The following RPL4 variants were observed in gnomAD, a reference collection of about 807,000 sequenced individuals.
RPL4 encodes the protein ribosomal protein L4.
A neutral mutation model predicts 47.7 loss-of-function variants in RPL4; 3 were observed. The observed-to-expected ratio is 0.06, with a 90% CI of 0.03 to 0.16. The LOEUF is 0.16. RPL4 is among the 10% of genes least tolerant of loss of function. The pLI, the probability that RPL4 is intolerant of heterozygous loss-of-function variation, is 1.00. For missense variants in RPL4, 413 were observed against 551.3 expected, an observed-to-expected ratio of 0.75 and a Z score of 2.51; for synonymous variants, 208 against 182.1, an observed-to-expected ratio of 1.14 and a Z score of -1.15.
chr15:66,503,444 G>C lies in RPL4; in HGVS notation c.89C>G (p.Ala30Gly), dbSNP rs777311628. The C allele has an allele frequency of 1.4e-5, 22 of 1,612,764 alleles. No homozygotes were observed. The highest frequency in any genetic ancestry group is 1.9e-5 in the Non-Finnish European group (22 of 1,179,056). The change falls in exon 2 of 10, where the codon GCT becomes GGT. Residue 30 changes from alanine to glycine, a missense_variant. Transcript: ENST00000307961. The stretch of plus-strand genomic sequence containing the variant: ...GTTCACAATATCTGGTCGAATAGGA[G>C]CCTTGAATACAGCAGGCAAAGTGAC... The part of the protein sequence containing the change: ...KNVTLPAVFK[A>G]PIRPDIVNFV...
chr15:66,499,904 T>C, intron 9 of RPL4, 152 bp downstream of exon 9: 1 of 1,027,616 alleles, frequency 9.7e-7, no homozygotes, highest in Non-Finnish European at 1.4e-6. Flanking sequence ...GCGCCTGTAG[T>C]GCCAGCTACT....
chr15:66,502,964 A>G (rs1893653365), intron 3 of RPL4, 94 bp downstream of exon 3: 1 of 1,367,560 alleles, frequency 7.3e-7, no homozygotes, highest in Non-Finnish European at 1.0e-6. Context: ...AAAAAAAAGT[A>G]ATATTTTTAC....
Position 66,500,725 on chromosome 15 carries a change from T to A in RPL4, c.833+224A>T, listed in dbSNP as rs1485403524. The A allele has an allele frequency of 1.4e-5, 8 of 585,436 alleles. No individual in the cohort carries two copies. The East Asian group carries it at 2.4e-4, about 18-fold the overall frequency. 36.3% of individuals were successfully genotyped at this position (585,436 alleles called of 1,614,324 possible). ...TGAACCCGGGAGGCGGAGGCTGCAG[T>A]AAGCCACGATCACACCACTACACTC... On this transcript the variant is annotated intron_variant, in intron 7 of 9. Coordinates refer to ENST00000307961, the MANE Select transcript of RPL4 (RefSeq NM_000968.4).
In RPL4 at chr15:66,500,075, A is replaced by G; in HGVS notation, c.1019T>C (p.Ile340Thr). 2.5e-6 allele frequency: 4 copies of G among 1,611,930 alleles called. No homozygotes were observed. The highest frequency in any genetic ancestry group is 3.4e-6 in the Non-Finnish European group (4 of 1,179,818). ...ACTCACATTCCTGGCCTGGCGAAGA[A>G]TGGTGTTCCGGCGCATGGTCTTTGC... Reference protein sequence around the residue: ...PYAKTMRRNTILRQARNHKLR... With the variant: ...PYAKTMRRNTTLRQARNHKLR... Residue 340 changes from isoleucine (I) to threonine (T), a missense_variant, in exon 9 of 10, where the codon ATT (isoleucine) becomes ACT (threonine). By Grantham distance (89) the Ile-to-Thr change is moderately conservative. This residue lies in a region of RPL4 where 134 missense variants were observed against 122.7 expected (regional missense o/e 1.09). Transcript: ENST00000307961.
chr15:66,499,725 CAA>C, intron 9 of RPL4, 73 bp from the exon 10 acceptor site: 1 of 1,591,130 alleles, frequency 6.3e-7, no homozygotes, highest in Non-Finnish European at 8.5e-7. Flanking sequence ...AAGAGAAAAA[CAA>C]AAACAAAACA....
intron 4 of RPL4, 72 bp from the exon 5 acceptor site, chr15:66,501,984 A>T: frequency 6.4e-7 from 1 of 1,570,920 alleles, no homozygotes; most frequent in Non-Finnish European, 8.6e-7. Context: ...CAAACATTTT[A>T]TACAACCAAT....
rs180850853 is a variant in RPL4 at position 66,504,019 on chromosome 15, T to C, written c.4-490A>G. Among the ~76,000 whole-genome samples, 29 of 152,172 alleles carry C rather than the reference T, an allele frequency of 1.9e-4. 1 individual carries two copies. In the East Asian group the frequency reaches 5.6e-3, roughly 29 times the overall value. On this transcript the variant is annotated intron_variant, in intron 1 of 9. Coordinates refer to ENST00000307961, the MANE Select transcript of RPL4 (RefSeq NM_000968.4). ...AAAATCCTGAGGCTGACCTACACCATCTTCTCTACTTCTGATCTCAACTCC... is the reference window on the plus strand; with the variant it reads ...AAAATCCTGAGGCTGACCTACACCACCTTCTCTACTTCTGATCTCAACTCC...
At position 66,499,189 on chromosome 15, in the gene RPL4, C is replaced by T. The variant is rs1308475716; in HGVS notation, c.*218G>A. ...TAAATCATTCCCCTTCCACTGAACT[C>T]CATGGACTTAGTATAAATCCATGCC... is the stretch of plus-strand genomic sequence containing the variant. On this transcript the variant is annotated 3_prime_UTR_variant, in exon 10 of 10. Coordinates refer to ENST00000307961, the MANE Select transcript of RPL4 (RefSeq NM_000968.4). The T allele has an allele frequency of 1.9e-6, 1 of 523,466 alleles. No homozygotes were observed. The highest frequency in any genetic ancestry group is 1.9e-5 in the African/African-American group (1 of 51,728). 32.4% of individuals were successfully genotyped at this position (523,466 alleles called of 1,614,324 possible).
At position 66,500,083 on chromosome 15, in the gene RPL4, C is replaced by T. The variant is rs367990102; in HGVS notation, c.1011G>A (p.Arg337=). 3.7e-6 allele frequency: 6 copies of T among 1,612,112 alleles called. No homozygotes were observed. The African/African-American group carries it at 6.7e-5, about 18-fold the overall frequency. The change falls in exon 9 of 10, where the codon CGG becomes CGA. Residue 337 remains arginine, a synonymous_variant. Transcript: ENST00000307961. Reference sequence around the variant, plus strand: ...TCCTGGCCTGGCGAAGAATGGTGTTCCGGCGCATGGTCTTTGCATATGGGT... The same window carrying T: ...TCCTGGCCTGGCGAAGAATGGTGTTTCGGCGCATGGTCTTTGCATATGGGT... The part of the protein sequence containing the change: ...KLNPYAKTMR[R]NTILRQARNH...
At chr15:66,503,599 C>T (rs28673176) in intron 1 of RPL4, 70 bp from the exon 2 acceptor site, 500,690 of 1,456,530 alleles carry the variant, frequency 0.34, 87,927 homozygotes, top group Admixed American at 0.43. Flanking sequence ...CATACGCCAA[C>T]AATACCATTA....
rs934388943 is a variant in RPL4 at position 66,499,876 on chromosome 15, A to T, written c.1038+180T>A. ...CGTCTCTACTGAAAATACAAAAATT[A>T]GCCGGACATGGTGGCGTGCGCCTGT... On this transcript the variant is annotated intron_variant, in intron 9 of 9. Coordinates refer to ENST00000307961, the MANE Select transcript of RPL4 (RefSeq NM_000968.4). The T allele has an allele frequency of 7.5e-6, 7 of 934,744 alleles. No homozygotes were observed. In the African/African-American group the frequency reaches 1.2e-4, roughly 16 times the overall value. The allele number at this position is 934,744 out of a possible 1,614,324, so 57.9% of individuals were successfully genotyped here. A position where few individuals can be genotyped will look rare whatever the true frequency, so the allele number is the denominator to read the frequency against.
chr15:66,499,607 G>C lies in RPL4; in HGVS notation c.1084C>G (p.Gln362Glu), dbSNP rs1251049375. Reference protein sequence around the residue: ...DKAAAAAAALQAKSDEKAAVA... With the variant: ...DKAAAAAAALEAKSDEKAAVA... ...GCCGCCTTCTCATCTGATTTGGCTT[G>C]TAGTGCCGCTGCTGCAGCAGCTGCC... The change falls in exon 10 of 10, where the codon CAA becomes GAA. Residue 362 changes from glutamine to glutamate, a missense_variant. Coordinates refer to ENST00000307961, the MANE Select transcript of RPL4 (RefSeq NM_000968.4). The C allele has an allele frequency of 1.2e-6, 2 of 1,613,872 alleles. No individual in the cohort carries two copies. Among genetic ancestry groups the C allele is most frequent in the Non-Finnish European group, 1.7e-6 (2 of 1,179,892 alleles).
rs1268523297 is a variant in RPL4 at position 66,498,497 on chromosome 15, T to C, written c.*910A>G. 6.6e-6 allele frequency: 1 copy of C among 152,126 alleles called. No homozygotes were observed. The highest frequency in any genetic ancestry group is 1.5e-5 in the Non-Finnish European group (1 of 68,004). 9.4% of individuals were successfully genotyped at this position (152,126 alleles called of 1,614,324 possible). A position where few individuals can be genotyped will look rare whatever the true frequency, so the allele number is the denominator to read the frequency against. ...GGGTAATATTTGCAGTTTAGCTTTA[T>C]GGGTAAAAAAAAACACCCTTATATC... On this transcript the variant is annotated 3_prime_UTR_variant, in exon 10 of 10. Transcript: ENST00000307961.
intron 7 of RPL4, 162 bp downstream of exon 7, chr15:66,500,784 AAAC>A (rs1458602525): frequency 2.1e-5 from 17 of 794,860 alleles, no homozygotes; most frequent in African/African-American, 3.5e-5. Context: ...TCTGTCTCAA[AAAC>A]AAAACAAAAA....
In RPL4 at chr15:66,504,791, G is replaced by C. The variant is rs376337696; in HGVS notation, c.-1C>G. Reference sequence around the variant, plus strand: ...AGCCAAGAGAACTTCCACTCACCATGGCGGAGAGAGGAGACAGCCACGCTC... The same window carrying C: ...AGCCAAGAGAACTTCCACTCACCATCGCGGAGAGAGGAGACAGCCACGCTC... On this transcript the variant is annotated 5_prime_UTR_variant, in exon 1 of 10. Transcript: ENST00000307961. The C allele has an allele frequency of 1.9e-6, 3 of 1,611,834 alleles. No homozygotes were observed. Among genetic ancestry groups the C allele is most frequent in the East Asian group, 4.5e-5 (2 of 44,876 alleles).
rs560647731 is a variant in RPL4, at chr15:66,499,444, T to G, written c.1247A>C (p.Lys416Thr). ...CTTCTTCTCCTCTGTAGTAGGTTTC[T>G]TCTCTGCAGGCTTCTTTTCAGGGGC... is the stretch of plus-strand genomic sequence containing the variant. ...KPAPEKKPAE[K>T]KPTTEEKKPA... Residue 416 changes from lysine (K) to threonine (T), a missense_variant, in exon 10 of 10, where the codon AAG becomes ACG. Lys to Thr is a moderately conservative substitution (Grantham distance 78). Transcript: ENST00000307961. 3.1e-6 allele frequency: 5 copies of G among 1,611,774 alleles called. No individual in the cohort carries two copies. The highest frequency in any genetic ancestry group is 4.2e-6 in the Non-Finnish European group (5 of 1,179,842).
chr15:66,501,185 A>C (rs1893604567), intron 6 of RPL4, 80 bp from the exon 7 acceptor site: 5 of 1,581,334 alleles, frequency 3.2e-6, no homozygotes. Flanking sequence ...TAAGAGCTAT[A>C]AAAGGTACCT....
At chr15:66,504,232 A>T (rs1015153819) in intron 1 of RPL4, among the ~76,000 whole-genome samples, 10 of 152,174 alleles carry the variant, frequency 6.6e-5, no homozygotes, top group African/African-American at 2.4e-4. Context: ...TTACTACCAT[A>T]GAATATTACT....
At chr15:66,499,709 A>T in intron 9 of RPL4, 57 bp from the exon 10 acceptor site, 1 of 1,598,764 alleles carries the variant, frequency 6.3e-7, no homozygotes, top group Middle Eastern at 1.7e-4. Flanking sequence ...AACTTAATGT[A>T]TCAGGAAGAG....
Sources: allele counts gnomAD v4.1 joint callset (sites outside exome capture counted in the v4.1 genomes callset), GRCh38; gene constraint gnomAD v4.1.1; regional missense constraint gnomAD v4.1.1; transcripts MANE v1.5; gene names NCBI Gene and HGNC (gene_info 2026-07-23, HGNC 2026-07-21).